Variants in KTN1 observed in about 807,000 individuals in gnomAD.
KTN1 encodes kinectin 1, also known as kinectin.
Under a neutral mutation model 222.5 loss-of-function variants are expected in KTN1, and 130 were observed. The observed-to-expected ratio is 0.58, with a 90% CI of 0.51 to 0.68. The LOEUF is 0.68. Ranked by LOEUF, KTN1 falls within the 30% of genes least tolerant of loss-of-function variation. The probability of loss-of-function intolerance (pLI) is 0.00; values close to 1 mark genes in which losing one functional copy is unlikely to be tolerated. For synonymous variants in KTN1, 512 were observed against 496.3 expected (o/e 1.03, Z -0.42); for missense variants, 1,508 against 1,500.4 (o/e 1.01, Z -0.08).
chr14:55,631,355 T>TG (rs2040508846), intron 7 of KTN1, among the ~76,000 whole-genome samples: 1 of 142,432 alleles, frequency 7.0e-6, no homozygotes, highest in Non-Finnish European at 1.5e-5. Flanking sequence ...TATATATATA[T>TG]ATATATATAT....
intron 35 of KTN1, among the ~76,000 whole-genome samples, chr14:55,671,074 A>G (rs1458297337): frequency 1.3e-5 from 2 of 152,156 alleles, no homozygotes; most frequent in Admixed American, 6.6e-5. Context: ...ATCCCTTACT[A>G]TCTTTTTAGC....
In KTN1 at chr14:55,630,932, G is replaced by A. The variant is rs1031756700; in HGVS notation, c.1221+835G>A. 6.6e-5 allele frequency among the ~76,000 whole-genome samples: 10 copies of A among 152,100 alleles called. 1 individual carries two copies. The highest frequency in any genetic ancestry group is 5.9e-4 in the Admixed American group (9 of 15,282). ...AGATAGGGCTTGGTGTTAGTGTGAA[G>A]GGGAGAGGTGATAGTGAAGAATGAC... On this transcript the variant is annotated intron_variant, in intron 7 of 43. Transcript: ENST00000395314.
chr14:55,632,685 C>T (rs892664632), intron 7 of KTN1, among the ~76,000 whole-genome samples: 3 of 151,842 alleles, frequency 2.0e-5, no homozygotes, highest in African/African-American at 7.3e-5. Context: ...TAGAATGGTA[C>T]GTTTTATGTT....
chr14:55,637,069 A>G, intron 10 of KTN1, 129 bp from the exon 11 acceptor site: 1 of 597,842 alleles, frequency 1.7e-6, no homozygotes, highest in Non-Finnish European at 2.9e-6. Flanking sequence ...CTGCTACAGG[A>G]GCATGCAAGA....
At chr14:55,678,589 A>G (rs2046086724) in intron 42 of KTN1, 145 bp downstream of exon 42, 1 of 619,936 alleles carries the variant, frequency 1.6e-6, no homozygotes, top group African/African-American at 1.8e-5. Context: ...TTGATGTTTG[A>G]TCTCATTTTT....
At chr14:55,644,750 T>G (rs2042135072) in intron 18 of KTN1, among the ~76,000 whole-genome samples, 1 of 152,114 alleles carries the variant, frequency 6.6e-6, no homozygotes, top group Non-Finnish European at 1.5e-5. Context: ...GTATATGGTT[T>G]AGTTTTGGAA....
intron 1 of KTN1, among the ~76,000 whole-genome samples, chr14:55,596,154 C>CAAGAAAAAAAAAAAAAA (rs2034994997): frequency 1.6e-5 from 1 of 61,132 alleles, no homozygotes; most frequent in African/African-American, 6.8e-5. Flanking sequence ...GACTCAATAG[C>CAAGAAAAAAAAAAAAAA]AAAAAAAAAA....
At chr14:55,580,455 C>G (rs1303589920) in intron 1 of KTN1, 101 bp downstream of exon 1, 1 of 146,492 alleles carries the variant, frequency 6.8e-6, no homozygotes, top group Admixed American at 6.8e-5. Context: ...GAGGGCCGCG[C>G]CGGGCGGGGG....
chr14:55,592,269 C>G (rs1408792168), intron 1 of KTN1, among the ~76,000 whole-genome samples: 1 of 152,102 alleles, frequency 6.6e-6, no homozygotes, highest in Non-Finnish European at 1.5e-5. Context: ...ATTTTTGTTT[C>G]TTCCCCTTTA....
intron 5 of KTN1, among the ~76,000 whole-genome samples, chr14:55,621,349 G>A (rs373555731): frequency 9.2e-5 from 14 of 152,170 alleles, no homozygotes; most frequent in African/African-American, 2.9e-4. Context: ...ACATTTTCGG[G>A]TATCTTTACA....
chr14:55,644,235 ACTTTT>A, intron 18 of KTN1: 2 of 496,506 alleles, frequency 4.0e-6, no homozygotes, highest in Non-Finnish European at 7.2e-6. Flanking sequence ...TGTCATTTCC[ACTTTT>A]CTTTAACCCC....
chr14:55,656,203 C>A, intron 29 of KTN1, 71 bp downstream of exon 29: 1 of 1,034,640 alleles, frequency 9.7e-7, no homozygotes, highest in Non-Finnish European at 1.4e-6. Context: ...TAATTTTTAA[C>A]TGCTGCCAAA....
At chr14:55,660,107 G>A (rs2043952780) in intron 31 of KTN1, among the ~76,000 whole-genome samples, 1 of 152,136 alleles carries the variant, frequency 6.6e-6, no homozygotes, top group Non-Finnish European at 1.5e-5. Context: ...TAGGATAGAT[G>A]TGGTAGCTCA....
At chr14:55,648,904 TG>T in intron 21 of KTN1, 34 bp downstream of exon 21, 3 of 1,356,354 alleles carry the variant, frequency 2.2e-6, no homozygotes, top group Non-Finnish European at 3.1e-6. Context: ...TCTTTGTCTC[TG>T]TGTTTTTTGT....
intron 5 of KTN1, among the ~76,000 whole-genome samples, chr14:55,620,337 A>G (rs1419411928): frequency 1.3e-5 from 2 of 152,112 alleles, no homozygotes; most frequent in African/African-American, 4.8e-5. Flanking sequence ...CCATTCTGGG[A>G]TCTGGAGGAT....
Position 55,641,571 on chromosome 14 carries a change from C to T in KTN1, c.2104-121C>T, listed in dbSNP as rs142958036. 1.7e-3 allele frequency: 1,222 copies of T among 739,040 alleles called. 11 individuals carry two copies. In the African/African-American group the frequency reaches 0.02, roughly 12 times the overall value. 45.8% of individuals were successfully genotyped at this position (739,040 alleles called of 1,614,324 possible). A position where few individuals can be genotyped will look rare whatever the true frequency, so the allele number is the denominator to read the frequency against. On this transcript the variant is annotated intron_variant, in intron 17 of 43. Transcript: ENST00000395314. The stretch of plus-strand genomic sequence containing the variant: ...ATTTGAATTATGTCAGTGTATAATT[C>T]ACCTGTCACTTTGAGGACTGAAAGC...
chr14:55,670,827 A>G lies in KTN1; in HGVS notation c.3348+18A>G. The G allele has an allele frequency of 5.3e-6, 8 of 1,510,020 alleles. No individual in the cohort carries two copies. Among genetic ancestry groups the G allele is most frequent in the Non-Finnish European group, 7.3e-6 (8 of 1,095,652 alleles). 93.5% of individuals were successfully genotyped at this position (1,510,020 alleles called of 1,614,324 possible). A position where few individuals can be genotyped will look rare whatever the true frequency, so the allele number is the denominator to read the frequency against. ...AGGTTAAGGTTAGTTCAGCAAATGA[A>G]CTGTTTGTAATTTAAACATAGAAAA... On this transcript the variant is annotated intron_variant, in intron 35 of 43. Coordinates refer to ENST00000395314, the MANE Select transcript of KTN1 (RefSeq NM_001079521.2).
intron 29 of KTN1, chr14:55,656,378 T>G (rs772056627): frequency 4.4e-5 from 16 of 364,626 alleles, no homozygotes; most frequent in Non-Finnish European, 7.8e-5. Context: ...TTCTTCACAA[T>G]TAACAGTGTT....
chr14:55,621,681 G>A (rs1266370905), intron 5 of KTN1, among the ~76,000 whole-genome samples: 4 of 151,974 alleles, frequency 2.6e-5, no homozygotes, highest in African/African-American at 4.8e-5. Flanking sequence ...CCCACGGCAC[G>A]TGGGAATTAT....
Sources: gnomAD v4.1 joint callset for allele counts (sites outside exome capture counted in the v4.1 genomes callset) on GRCh38, gnomAD v4.1.1 for gene constraint, MANE v1.5 for transcripts, NCBI Gene and HGNC (gene_info 2026-07-23, HGNC 2026-07-21) for gene names.